SORCS2: variants seen among roughly 807,000 people sequenced by gnomAD.
The protein encoded by SORCS2 is VPS10 domain-containing receptor SorCS2.
A neutral mutation model predicts 141.6 loss-of-function variants in SORCS2; 100 were observed. The observed-to-expected ratio is 0.71, with a 90% CI of 0.60 to 0.83. The LOEUF is 0.83. Ranked by LOEUF, SORCS2 falls within the 40% of genes least tolerant of loss-of-function variation. The pLI is 0.00. For missense variants in SORCS2, 1,646 were observed against 1,560.2 expected (o/e 1.05, Z -0.93); for synonymous variants, 789 against 676.9 (o/e 1.17, Z -2.57).
intron 2 of SORCS2, among the ~76,000 whole-genome samples, chr4:7,490,991 C>T (rs941936909): frequency 7.2e-5 from 11 of 152,166 alleles, no homozygotes; most frequent in Non-Finnish European, 1.2e-4. Flanking sequence ...CGGCTGGTCT[C>T]GCCCCTCCTC....
rs1716218606 is a variant in SORCS2, at chr4:7,286,289, C to A, written c.480+93163C>A. On this transcript the variant is annotated intron_variant, in intron 1 of 26. Transcript: ENST00000507866. This position sits in a 1 kb window ranked among gnomAD's most constrained non-coding sequence, Gnocchi z 4.1. The stretch of plus-strand genomic sequence containing the variant: ...GAAGATAGAGGATGTGGGAGCCTGG[C>A]CAGCTGGAGCCACCGCTGGAGAGAG... Among the ~76,000 whole-genome samples, 1 of 152,150 alleles carries A rather than the reference C, an allele frequency of 6.6e-6. No individual in the cohort carries two copies.
intron 1 of SORCS2, among the ~76,000 whole-genome samples, chr4:7,387,033 A>G (rs1671157947): frequency 1.6e-4 from 1 of 6,366 alleles, no homozygotes; most frequent in African/African-American, 7.7e-4. Context: ...ACACAGAAAT[A>G]CACACATGCA....
chr4:7,212,014 G>A (rs921330442), intron 1 of SORCS2, among the ~76,000 whole-genome samples: 4 of 152,156 alleles, frequency 2.6e-5, no homozygotes, highest in South Asian at 2.1e-4. Flanking sequence ...AAATCCCCTC[G>A]GTGGCCTGAA....
At chr4:7,543,359 C>T (rs548724272) in intron 3 of SORCS2, among the ~76,000 whole-genome samples, 14 of 152,282 alleles carry the variant, frequency 9.2e-5, no homozygotes, top group African/African-American at 2.9e-4. Context: ...ATCCTCCCAC[C>T]CACCTATCCG....
intron 1 of SORCS2, among the ~76,000 whole-genome samples, chr4:7,351,223 A>G (rs1042455174): frequency 3.3e-5 from 5 of 152,078 alleles, no homozygotes; most frequent in African/African-American, 1.2e-4. Flanking sequence ...GGGACTTCAC[A>G]TCTGCTGTTT....
intron 1 of SORCS2, among the ~76,000 whole-genome samples, chr4:7,246,180 C>T (rs952951824): frequency 2.0e-5 from 3 of 152,226 alleles, no homozygotes; most frequent in South Asian, 2.1e-4. Context: ...AAAATGCACA[C>T]GTGAGTGCTG....
At chr4:7,429,329 C>T (rs934714357) in intron 2 of SORCS2, among the ~76,000 whole-genome samples, 4 of 152,186 alleles carry the variant, frequency 2.6e-5, no homozygotes, top group East Asian at 1.9e-4. Context: ...TGCACCCATA[C>T]GTGCTCTCAG....
intron 3 of SORCS2, among the ~76,000 whole-genome samples, chr4:7,595,814 G>A (rs1400674926): frequency 6.6e-6 from 1 of 152,162 alleles, no homozygotes; most frequent in South Asian, 2.1e-4. Context: ...CATTAAGAAT[G>A]TTTCTCAAGC....
chr4:7,322,655 G>T (rs373133968), intron 1 of SORCS2, among the ~76,000 whole-genome samples: 1 of 152,220 alleles, frequency 6.6e-6, no homozygotes, highest in Non-Finnish European at 1.5e-5. Flanking sequence ...TTGTCCAGCC[G>T]CTCAAGAGTC....
At chr4:7,581,978 A>G (rs1054347803) in intron 3 of SORCS2, among the ~76,000 whole-genome samples, 8 of 152,152 alleles carry the variant, frequency 5.3e-5, no homozygotes, top group Non-Finnish European at 1.0e-4. Flanking sequence ...AATTTTTATC[A>G]TATAAGTATC....
At chr4:7,687,347 C>T (rs1022272993) in intron 10 of SORCS2, among the ~76,000 whole-genome samples, 1 of 152,170 alleles carries the variant, frequency 6.6e-6, no homozygotes, top group African/African-American at 2.4e-5. Flanking sequence ...CCTGAGCTAT[C>T]TGGGGTGGGG....
rs540523054 is a variant in SORCS2, at chr4:7,250,198, C to T, written c.480+57072C>T. On this transcript the variant is annotated intron_variant, in intron 1 of 26. Coordinates refer to ENST00000507866, the MANE Select transcript of SORCS2 (RefSeq NM_020777.3). ...CGGAGGTTGCAGTGACCTGAGATCG[C>T]GCCACTGCCCTCCAGCCTGGGTGAT... Among the ~76,000 whole-genome samples the T allele has an allele frequency of 1.0e-3, 157 of 152,166 alleles. 1 individual carries two copies. The highest frequency in any genetic ancestry group is 3.5e-3 in the African/African-American group (144 of 41,504).
At chr4:7,613,954 C>G (rs931646643) in intron 3 of SORCS2, among the ~76,000 whole-genome samples, 8 of 152,092 alleles carry the variant, frequency 5.3e-5, no homozygotes, top group African/African-American at 1.9e-4. Context: ...CATTCATTAT[C>G]CACCCATCCA....
Position 7,434,270 on chromosome 4 carries a change from A to C in SORCS2, c.548+37915A>C, listed in dbSNP as rs1459053443. ...TGCTCCTGGATGTTCAAGTCGGCCAAGGTCAAGTTGGACCGGACAGCCTCC... is the reference window on the plus strand; with the variant it reads ...TGCTCCTGGATGTTCAAGTCGGCCACGGTCAAGTTGGACCGGACAGCCTCC... On this transcript the variant is annotated intron_variant, in intron 2 of 26. Coordinates refer to ENST00000507866, the MANE Select transcript of SORCS2 (RefSeq NM_020777.3). 8.1e-6 allele frequency: 13 copies of C among 1,613,298 alleles called. No individual in the cohort carries two copies. In the South Asian group the frequency reaches 1.4e-4, roughly 18 times the overall value.
At chr4:7,573,801 C>T (rs552669531) in intron 3 of SORCS2, among the ~76,000 whole-genome samples, 1 of 152,220 alleles carries the variant, frequency 6.6e-6, no homozygotes, top group Admixed American at 6.5e-5. Context: ...CTTTAGGGTA[C>T]ACAGTGGACC....
intron 4 of SORCS2, 51 bp downstream of exon 4, chr4:7,638,543 G>A (rs182824760): frequency 4.3e-5 from 67 of 1,555,142 alleles, no homozygotes; most frequent in Middle Eastern, 1.7e-4. Flanking sequence ...GGGTCTGCTC[G>A]ACCCACCTGG....
At chr4:7,434,421 G>A (rs1168305750) in intron 2 of SORCS2, 4 of 1,608,782 alleles carry the variant, frequency 2.5e-6, no homozygotes, top group African/African-American at 1.3e-5. Flanking sequence ...CCTCTTTGGA[G>A]AGTGGCCTCA....
chr4:7,710,105 C>T (rs1430619100), intron 14 of SORCS2, among the ~76,000 whole-genome samples: 1 of 152,190 alleles, frequency 6.6e-6, no homozygotes, highest in Non-Finnish European at 1.5e-5. Context: ...CCAAACCAGC[C>T]TCTCTGCTCT....
chr4:7,503,009 G>A (rs531558108), intron 2 of SORCS2, among the ~76,000 whole-genome samples: 5 of 152,318 alleles, frequency 3.3e-5, no homozygotes, highest in African/African-American at 7.2e-5. Context: ...CCGATTTCAC[G>A]TTTTAAAATT....
Sources: allele counts gnomAD v4.1 joint callset (sites outside exome capture counted in the v4.1 genomes callset), GRCh38; gene constraint gnomAD v4.1.1; non-coding constraint Gnocchi (gnomAD v3.1); transcripts MANE v1.5; gene names NCBI Gene and HGNC (gene_info 2026-07-23, HGNC 2026-07-21).